HIVEP3: variants seen among roughly 807,000 people sequenced by gnomAD.
The protein encoded by HIVEP3 is transcription factor HIVEP3.
In HIVEP3, 49 loss-of-function variants were observed where a neutral mutation model predicts 152.8. That is an observed-to-expected ratio of 0.32 (90% CI 0.26 to 0.41). The LOEUF is 0.41. Among genes scored for constraint, HIVEP3 ranks in the 10% least tolerant of loss-of-function variants. The pLI, the probability that HIVEP3 is intolerant of heterozygous loss-of-function variation, is 1.00. For missense variants in HIVEP3, 2,790 were observed against 3,103.3 expected, an observed-to-expected ratio of 0.90 and a Z score of 2.40; for synonymous variants, 1,269 against 1,289.0, an observed-to-expected ratio of 0.98 and a Z score of 0.33.
At chr1:41,924,491 A>G (rs559703075) in intron 1 of HIVEP3, among the ~76,000 whole-genome samples, 4 of 152,140 alleles carry the variant, frequency 2.6e-5, no homozygotes, top group African/African-American at 9.7e-5. Flanking sequence ...AATTATTTAT[A>G]TATCTTACCT....
intron 1 of HIVEP3, among the ~76,000 whole-genome samples, chr1:41,782,135 A>G (rs1649082846): frequency 6.6e-6 from 1 of 152,264 alleles, no homozygotes; most frequent in South Asian, 2.1e-4. Flanking sequence ...TTGAAAAGGA[A>G]GGAACTTCTG....
chr1:41,677,799 C>T (rs549505460), intron 2 of HIVEP3, among the ~76,000 whole-genome samples: 5 of 152,286 alleles, frequency 3.3e-5, no homozygotes, highest in African/African-American at 9.6e-5. Context: ...CAGGTGAGTC[C>T]GCAGGAACAA....
At chr1:41,627,245 C>T (rs1645130454) in intron 3 of HIVEP3, among the ~76,000 whole-genome samples, 1 of 152,178 alleles carries the variant, frequency 6.6e-6, no homozygotes, top group African/African-American at 2.4e-5. Context: ...AGGGGCCTTC[C>T]CCAGCAACCC....
chr1:41,884,204 G>T (rs1197691702), intron 1 of HIVEP3, among the ~76,000 whole-genome samples: 4 of 152,164 alleles, frequency 2.6e-5, no homozygotes, highest in Admixed American at 2.0e-4. Flanking sequence ...GGTCTCAAGT[G>T]ATCCACCCAC....
chr1:41,765,540 A>G (rs1647956426), intron 1 of HIVEP3, among the ~76,000 whole-genome samples: 1 of 152,220 alleles, frequency 6.6e-6, no homozygotes, highest in Admixed American at 6.5e-5. Flanking sequence ...GGTTCACCAT[A>G]CTGTTCCCTC....
chr1:41,900,986 C>T (rs745480031), intron 1 of HIVEP3, among the ~76,000 whole-genome samples: 10 of 151,960 alleles, frequency 6.6e-5, no homozygotes, highest in Admixed American at 1.3e-4. Context: ...TGTGGGGGAC[C>T]GGTGAGGAAT....
At chr1:41,617,200 A>G (rs577760428) in intron 3 of HIVEP3, among the ~76,000 whole-genome samples, 1 of 151,572 alleles carries the variant, frequency 6.6e-6, no homozygotes, top group South Asian at 2.1e-4. Context: ...TTTTCCTACT[A>G]GAATTTTGCC....
At chr1:41,697,679 C>T (rs372321089) in intron 2 of HIVEP3, among the ~76,000 whole-genome samples, 50 of 152,314 alleles carry the variant, frequency 3.3e-4, no homozygotes, top group East Asian at 1.4e-3. Context: ...CCCTCTGCAA[C>T]GCCAGATGCC....
intron 1 of HIVEP3, among the ~76,000 whole-genome samples, chr1:41,994,379 C>T (rs910012586): frequency 1.3e-5 from 2 of 151,912 alleles, no homozygotes; most frequent in Non-Finnish European, 2.9e-5. Flanking sequence ...GAAATTGATG[C>T]GATTTGGCGC....
intron 1 of HIVEP3, among the ~76,000 whole-genome samples, chr1:41,967,716 T>C (rs1362389367): frequency 6.6e-6 from 1 of 151,908 alleles, no homozygotes; most frequent in East Asian, 1.9e-4. Context: ...CTGAAGGAGA[T>C]AGAGACACAC....
At chr1:41,908,703 A>G (rs1173494027) in intron 1 of HIVEP3, among the ~76,000 whole-genome samples, 1 of 152,234 alleles carries the variant, frequency 6.6e-6, no homozygotes, top group East Asian at 1.9e-4. Flanking sequence ...TACTATAGAA[A>G]AACTCTTTTG....
chr1:41,614,292 C>G (rs34697804), intron 3 of HIVEP3, among the ~76,000 whole-genome samples: 13,796 of 152,260 alleles, frequency 0.091, 676 homozygotes, highest in Middle Eastern at 0.18. Context: ...GGCCACCAGC[C>G]CTGAGTCTAA....
intron 1 of HIVEP3, among the ~76,000 whole-genome samples, chr1:42,012,605 G>A (rs1645499677): frequency 6.6e-6 from 1 of 152,154 alleles, no homozygotes; most frequent in African/African-American, 2.4e-5. Flanking sequence ...CAAGAGAATT[G>A]CTTGAACCCA....
intron 2 of HIVEP3, among the ~76,000 whole-genome samples, chr1:41,686,367 C>T (rs917393138): frequency 2.0e-5 from 3 of 152,216 alleles, no homozygotes; most frequent in Admixed American, 1.3e-4. Context: ...AGCCACCACA[C>T]CCGGCCATAG....
chr1:41,544,614 G>GCTACTACCATCACCACCACCATCACCA (rs1558045275), intron 5 of HIVEP3, among the ~76,000 whole-genome samples: 2 of 135,470 alleles, frequency 1.5e-5, no homozygotes, highest in Admixed American at 7.3e-5. Flanking sequence ...CACCATCACC[G>GCTACTACCATCACCACCACCATCACCA]CCACCACTAT....
chr1:41,530,415 C>T (rs1643211152), intron 5 of HIVEP3, among the ~76,000 whole-genome samples: 1 of 152,268 alleles, frequency 6.6e-6, no homozygotes, highest in African/African-American at 2.4e-5. Context: ...CAGTTGCTCA[C>T]ACCTGGATCT....
intron 1 of HIVEP3, among the ~76,000 whole-genome samples, chr1:41,792,609 G>A (rs1236453303): frequency 6.6e-6 from 1 of 152,218 alleles, no homozygotes; most frequent in Non-Finnish European, 1.5e-5. Flanking sequence ...AGGCCAAGGA[G>A]CATGGAAACA....
At chr1:41,897,957 G>GAA (rs1403756911) in intron 1 of HIVEP3, among the ~76,000 whole-genome samples, 1 of 142,650 alleles carries the variant, frequency 7.0e-6, no homozygotes, top group African/African-American at 2.7e-5. Context: ...GAGAGAGAGA[G>GAA]AGAGAGAGAG....
chr1:41,525,858 C>T (rs1309017310), intron 5 of HIVEP3, among the ~76,000 whole-genome samples: 1 of 152,072 alleles, frequency 6.6e-6, no homozygotes, highest in Admixed American at 6.5e-5. Context: ...TGGCAGGGGG[C>T]GCGCCAGGAG....
Sources: gnomAD v4.1 joint callset for allele counts (sites outside exome capture counted in the v4.1 genomes callset) on GRCh38, gnomAD v4.1.1 for gene constraint, MANE v1.5 for transcripts, NCBI Gene and HGNC (gene_info 2026-07-23, HGNC 2026-07-21) for gene names.